Variants in MYO9A observed in about 807,000 individuals in gnomAD.
MYO9A encodes the protein myosin IXA.
MYO9A carries 103 observed loss-of-function variants against 293.3 expected under a neutral mutation model. The ratio of observed to expected loss-of-function variants is 0.35; its 90% CI spans 0.30 to 0.41. The LOEUF (loss-of-function observed/expected upper bound fraction) is 0.41. Ranked by LOEUF, MYO9A falls within the 10% of genes least tolerant of loss-of-function variation. The pLI is 1.00. For missense variants in MYO9A, 2,685 were observed against 3,033.0 expected (o/e 0.89, Z 2.69); for synonymous variants, 1,001 against 1,035.7 (o/e 0.97, Z 0.64).
chr15:71,974,705 T>C (rs1317422269), intron 12 of MYO9A, among the ~76,000 whole-genome samples: 3 of 151,978 alleles, frequency 2.0e-5, no homozygotes, highest in Admixed American at 6.6e-5. Flanking sequence ...TCTAGCAAAA[T>C]TGGGGCTAAG....
chr15:72,082,105 G>C (rs780403889), intron 1 of MYO9A, among the ~76,000 whole-genome samples: 3 of 152,006 alleles, frequency 2.0e-5, no homozygotes, highest in Admixed American at 2.0e-4. Context: ...GCACTGAATC[G>C]ATAAACTGCT....
chr15:71,960,076 T>C lies in MYO9A; in HGVS notation c.2007A>G (p.Thr669=), dbSNP rs1337765992. 1 of 1,613,744 alleles carries C rather than the reference T, an allele frequency of 6.2e-7. No homozygotes were observed. The highest frequency in any genetic ancestry group is 8.5e-7 in the Non-Finnish European group (1 of 1,179,890). Residue 669 remains threonine (T), a synonymous_variant, in exon 14 of 42, where the codon ACA becomes ACG. Coordinates refer to ENST00000356056, the MANE Select transcript of MYO9A (RefSeq NM_006901.4). ...YGVKDFREKN[T]DHMRPDIVAL... ...CTACAATGTCTGGGCGCATATGATC[T>C]GTATTTTTTTCCCGGAAATCCTATA...
At chr15:72,011,103 G>A (rs1331578370) in intron 6 of MYO9A, among the ~76,000 whole-genome samples, 9 of 151,278 alleles carry the variant, frequency 5.9e-5, no homozygotes, top group South Asian at 4.2e-4. Context: ...TCGACCTCCC[G>A]GGCTCAGGTG....
intron 34 of MYO9A, among the ~76,000 whole-genome samples, chr15:71,859,144 A>G (rs539165740): frequency 4.7e-4 from 72 of 152,370 alleles, no homozygotes; most frequent in African/African-American, 1.7e-3. Flanking sequence ...ACACACATTT[A>G]TATTTCAGAT....
Position 72,011,946 on chromosome 15 carries a change from T to C in MYO9A, c.1156-1499A>G, listed in dbSNP as rs117883042. ...AGGTAAATACATAGTCATTGAATTA[T>C]TGAATAATATATAAATATTGAATTG... On this transcript the variant is annotated intron_variant, in intron 6 of 41. Coordinates refer to ENST00000356056, the MANE Select transcript of MYO9A (RefSeq NM_006901.4). 3.0e-3 allele frequency among the ~76,000 whole-genome samples: 461 copies of C among 152,312 alleles called. 3 individuals carry two copies. The highest frequency in any genetic ancestry group is 0.014 in the Middle Eastern group (4 of 294).
chr15:71,879,560 C>T lies in MYO9A; in HGVS notation c.5739+161G>A, dbSNP rs889891422. 6.6e-5 allele frequency among the ~76,000 whole-genome samples: 10 copies of T among 152,288 alleles called. No individual in the cohort carries two copies. The South Asian group carries it at 1.2e-3, about 19-fold the overall frequency. ...AAACCATTCAGTTTCCTTGTCTATC[C>T]CTAAAACAAAAACCATTCATTTTCC... On this transcript the variant is annotated intron_variant, in intron 30 of 41. Coordinates refer to ENST00000356056, the MANE Select transcript of MYO9A (RefSeq NM_006901.4).
intron 39 of MYO9A, among the ~76,000 whole-genome samples, chr15:71,848,551 G>A (rs575585795): frequency 2.6e-4 from 40 of 152,176 alleles, no homozygotes; most frequent in African/African-American, 9.4e-4. Flanking sequence ...AGAGGATTAC[G>A]TTTTCATAGA....
intron 1 of MYO9A, among the ~76,000 whole-genome samples, chr15:72,092,179 T>C (rs1172366113): frequency 6.6e-6 from 1 of 152,172 alleles, no homozygotes; most frequent in East Asian, 1.9e-4. Context: ...CTCATAATGA[T>C]AGAAGCCAAG....
chr15:72,016,113 C>T (rs2077330747), intron 6 of MYO9A, among the ~76,000 whole-genome samples: 1 of 152,074 alleles, frequency 6.6e-6, no homozygotes, highest in African/African-American at 2.4e-5. Flanking sequence ...AATAAAAAGA[C>T]ATTTAATAGA....
chr15:71,984,400 G>GT, intron 11 of MYO9A, among the ~76,000 whole-genome samples: 1 of 152,088 alleles, frequency 6.6e-6, no homozygotes. Flanking sequence ...AATTTTCTAG[G>GT]TATAAATATC....
intron 39 of MYO9A, among the ~76,000 whole-genome samples, chr15:71,839,513 A>G (rs2055068353): frequency 6.6e-6 from 1 of 152,004 alleles, no homozygotes; most frequent in Admixed American, 6.6e-5. Context: ...GGCTCAAGGG[A>G]TCCTTCTACC....
At position 71,898,651 on chromosome 15, in the gene MYO9A, TA is replaced by T. The variant is rs781277199; in HGVS notation, c.3851del (p.Ile1284AsnfsTer4). Reference sequence around the variant, plus strand: ...GAACTTTCAGCAATTCTAAGCTAAATATAGCTTGCTCTAGTTCTCTCATTCT... The same window carrying T: ...GAACTTTCAGCAATTCTAAGCTAAATTAGCTTGCTCTAGTTCTCTCATTCT... ...SRRMRELEQA[I>X]FSLELLKVRS... On this transcript the variant is annotated frameshift_variant, in exon 25 of 42. Coordinates refer to ENST00000356056, the MANE Select transcript of MYO9A (RefSeq NM_006901.4). LOFTEE classifies it high-confidence loss of function. 6.2e-7 allele frequency: 1 copy of T among 1,614,082 alleles called. No homozygotes were observed. The highest frequency in any genetic ancestry group is 8.5e-7 in the Non-Finnish European group (1 of 1,179,994).
chr15:72,020,884 C>T (rs754646086), intron 5 of MYO9A, 34 bp downstream of exon 5: 1 of 1,303,860 alleles, frequency 7.7e-7, no homozygotes, highest in Admixed American at 2.8e-5. Flanking sequence ...TTAATACTGC[C>T]CTATACTTCA....
intron 1 of MYO9A, among the ~76,000 whole-genome samples, chr15:72,060,041 C>A (rs1313556511): frequency 2.0e-5 from 3 of 152,042 alleles, no homozygotes; most frequent in African/African-American, 7.2e-5. Flanking sequence ...GTCTTTGAGG[C>A]GAATTACAAA....
intron 1 of MYO9A, among the ~76,000 whole-genome samples, chr15:72,056,065 T>C (rs1488101943): frequency 6.6e-6 from 1 of 151,986 alleles, no homozygotes; most frequent in African/African-American, 2.4e-5. Context: ...CCATCCCTAA[T>C]AAAAATGTAA....
chr15:71,931,836 G>A (rs1444520492), intron 18 of MYO9A, among the ~76,000 whole-genome samples: 1 of 152,128 alleles, frequency 6.6e-6, no homozygotes, highest in East Asian at 1.9e-4. Context: ...GTTTAGTGTA[G>A]AAGAACCTAA....
chr15:71,958,625 T>C (rs2059256587), intron 14 of MYO9A: 1 of 152,188 alleles, frequency 6.6e-6, no homozygotes, highest in Non-Finnish European at 1.5e-5. Flanking sequence ...TTTGTGGTAC[T>C]CCACTGAACT....
intron 6 of MYO9A, among the ~76,000 whole-genome samples, chr15:72,015,683 G>GTTTTTT (rs10708457): frequency 2.6e-5 from 3 of 113,468 alleles, no homozygotes; most frequent in African/African-American, 3.7e-5. Context: ...CTCAGATCAG[G>GTTTTTT]TTTTTTTTTT....
chr15:72,058,317 G>C (rs1347040822), intron 1 of MYO9A, among the ~76,000 whole-genome samples: 2 of 152,212 alleles, frequency 1.3e-5, no homozygotes, highest in East Asian at 3.9e-4. Flanking sequence ...CTGGGCTTTT[G>C]GGAAATCTTC....
Sources: allele counts gnomAD v4.1 joint callset (sites outside exome capture counted in the v4.1 genomes callset), GRCh38; gene constraint gnomAD v4.1.1; transcripts MANE v1.5; gene names NCBI Gene and HGNC (gene_info 2026-07-23, HGNC 2026-07-21).